RB1CC1: variants seen among roughly 807,000 people sequenced by gnomAD.
RB1CC1 encodes the protein RB1 inducible coiled-coil 1, also known as RB1-inducible coiled-coil protein 1.
In RB1CC1, 46 loss-of-function variants were observed where a neutral mutation model predicts 177.5. The ratio of observed to expected loss-of-function variants is 0.26; its 90% CI spans 0.20 to 0.33. The LOEUF (loss-of-function observed/expected upper bound fraction) is 0.33. Among genes scored for constraint, RB1CC1 ranks in the 10% least tolerant of loss-of-function variants. RB1CC1 has a pLI of 1.00. For synonymous variants in RB1CC1, 666 were observed against 613.6 expected, an observed-to-expected ratio of 1.09 and a Z score of -1.26; for missense variants, 1,703 against 1,816.3, an observed-to-expected ratio of 0.94 and a Z score of 1.13.
At chr8:52,638,479 A>AT (rs1849322717) in intron 18 of RB1CC1, among the ~76,000 whole-genome samples, 1 of 152,144 alleles carries the variant, frequency 6.6e-6, no homozygotes, top group South Asian at 2.1e-4. Context: ...GCCTCAGAGG[A>AT]TAAGTTGGGA....
intron 20 of RB1CC1, among the ~76,000 whole-genome samples, chr8:52,633,914 C>T (rs1848937434): frequency 6.6e-6 from 1 of 151,928 alleles, no homozygotes; most frequent in Non-Finnish European, 1.5e-5. Context: ...GATGGTGAAA[C>T]CCCATCTCTA....
chr8:52,667,675 TCTC>T (rs2150527469), intron 8 of RB1CC1, among the ~76,000 whole-genome samples: 1 of 152,328 alleles, frequency 6.6e-6, no homozygotes, highest in African/African-American at 2.4e-5. Flanking sequence ...GATTTCGTAT[TCTC>T]CTATTCTTAA....
At chr8:52,634,359 T>C (rs973753139) in intron 20 of RB1CC1, among the ~76,000 whole-genome samples, 6 of 152,008 alleles carry the variant, frequency 3.9e-5, no homozygotes, top group Non-Finnish European at 8.8e-5. Flanking sequence ...CCTGTCTCTA[T>C]TAATTATGTA....
intron 5 of RB1CC1, among the ~76,000 whole-genome samples, chr8:52,682,354 C>T (rs1471052968): frequency 6.6e-6 from 1 of 152,154 alleles, no homozygotes; most frequent in Non-Finnish European, 1.5e-5. Context: ...TCCAATTAAA[C>T]CTCTTTTTCG....
chr8:52,624,886 T>C, intron 22 of RB1CC1, 99 bp from the exon 23 acceptor site: 1 of 849,100 alleles, frequency 1.2e-6, no homozygotes, highest in Non-Finnish European at 1.7e-6. Context: ...AAAGCTCTCA[T>C]GAGTGGAAGA....
chr8:52,626,247 G>A (rs1404053486), intron 22 of RB1CC1, among the ~76,000 whole-genome samples: 2 of 152,192 alleles, frequency 1.3e-5, no homozygotes, highest in Non-Finnish European at 2.9e-5. Context: ...AGGAACGGGG[G>A]TTTATTAATG....
At chr8:52,643,179 TCAC>T (rs980216227) in intron 16 of RB1CC1, 10 of 163,352 alleles carry the variant, frequency 6.1e-5, no homozygotes, top group Admixed American at 1.9e-4. Flanking sequence ...TAGCATTTGA[TCAC>T]CACCCTAACA....
At chr8:52,669,675 T>C (rs1852379503) in intron 7 of RB1CC1, among the ~76,000 whole-genome samples, 1 of 152,216 alleles carries the variant, frequency 6.6e-6, no homozygotes, top group Admixed American at 6.5e-5. Flanking sequence ...CTCAATTTTG[T>C]GGTAACTGAG....
At chr8:52,630,621 A>T in intron 20 of RB1CC1, 93 bp from the exon 21 acceptor site, 1 of 1,313,598 alleles carries the variant, frequency 7.6e-7, no homozygotes, top group Non-Finnish European at 1.0e-6. Context: ...TACACATTCA[A>T]GCCTGTGTCC....
At chr8:52,651,513 A>G (rs1323314389) in intron 15 of RB1CC1, among the ~76,000 whole-genome samples, 1 of 152,250 alleles carries the variant, frequency 6.6e-6, no homozygotes. Flanking sequence ...AGTGATCCAT[A>G]GAAGCCTGGG....
chr8:52,692,770 C>G (rs1855006959), intron 1 of RB1CC1, among the ~76,000 whole-genome samples: 1 of 151,994 alleles, frequency 6.6e-6, no homozygotes, highest in African/African-American at 2.4e-5. Context: ...CTTATGTGAC[C>G]ATTTAAAAAA....
At chr8:52,677,247 G>C (rs1853216511) in intron 5 of RB1CC1, among the ~76,000 whole-genome samples, 1 of 152,100 alleles carries the variant, frequency 6.6e-6, no homozygotes, top group Admixed American at 6.6e-5. Flanking sequence ...AGTCACAAAA[G>C]AGACAGGAAA....
In RB1CC1 at chr8:52,683,580, T is replaced by C. The variant is rs1393195414; in HGVS notation, c.338A>G (p.His113Arg). The change falls in exon 5 of 24, where the codon CAT (histidine) becomes CGT (arginine). Residue 113 changes from histidine (H) to arginine (R), a missense_variant. His to Arg is a conservative substitution (Grantham distance 29). Transcript: ENST00000025008. ...EESLMMPAVFHTVASRTQLAL... is the reference protein window; with the variant it reads ...EESLMMPAVFRTVASRTQLAL... ...AAGCTGTGTCCTTGAAGCAACAGTA[T>C]GAAAAACTGCAGGCATCATAAGAGA... 1 of 1,598,846 alleles carries C rather than the reference T, an allele frequency of 6.3e-7. No individual in the cohort carries two copies. Among genetic ancestry groups the C allele is most frequent in the South Asian group, 1.1e-5 (1 of 87,224 alleles).
intron 19 of RB1CC1, 107 bp from the exon 20 acceptor site, chr8:52,635,075 T>A: frequency 5.2e-6 from 5 of 964,532 alleles, no homozygotes; most frequent in Non-Finnish European, 7.8e-6. Context: ...GGTTCGGGTA[T>A]GAAAAGTTGA....
chr8:52,628,824 A>C (rs1210334367), intron 21 of RB1CC1, among the ~76,000 whole-genome samples: 4 of 152,198 alleles, frequency 2.6e-5, no homozygotes, highest in Non-Finnish European at 5.9e-5. Context: ...CATATTTTTC[A>C]GTTGTCAAGA....
At chr8:52,629,645 T>A (rs988381811) in intron 21 of RB1CC1, among the ~76,000 whole-genome samples, 13 of 152,196 alleles carry the variant, frequency 8.5e-5, no homozygotes, top group African/African-American at 3.1e-4. Flanking sequence ...TTAAGCCTGA[T>A]AAGAAACATT....
intron 1 of RB1CC1, among the ~76,000 whole-genome samples, chr8:52,712,926 G>T (rs780372932): frequency 8.5e-5 from 13 of 152,196 alleles, no homozygotes; most frequent in Non-Finnish European, 1.9e-4. Flanking sequence ...TCCCTCAGTA[G>T]TTCCTTGGTT....
intron 5 of RB1CC1, among the ~76,000 whole-genome samples, chr8:52,681,279 A>C (rs1357900115): frequency 1.3e-5 from 2 of 152,126 alleles, no homozygotes; most frequent in East Asian, 3.9e-4. Flanking sequence ...TACAGGCATA[A>C]GCTACCACAC....
intron 8 of RB1CC1, among the ~76,000 whole-genome samples, chr8:52,664,260 A>G (rs879180540): frequency 6.6e-6 from 1 of 152,204 alleles, no homozygotes; most frequent in Admixed American, 6.5e-5. Flanking sequence ...GGCACACTCA[A>G]TTGAAAACTG....
Sources: allele counts gnomAD v4.1 joint callset (sites outside exome capture counted in the v4.1 genomes callset), GRCh38; gene constraint gnomAD v4.1.1; transcripts MANE v1.5; gene names NCBI Gene and HGNC (gene_info 2026-07-23, HGNC 2026-07-21).